Variants in IFT52 observed in about 807,000 individuals in gnomAD.
IFT52 encodes intraflagellar transport protein 52 homolog.
Under a neutral mutation model 54.4 loss-of-function variants are expected in IFT52, and 44 were observed. That is an observed-to-expected ratio of 0.81 (90% CI 0.63 to 1.04). The LOEUF (loss-of-function observed/expected upper bound fraction) is 1.04. IFT52 is among the 50% of genes least tolerant of loss of function. The probability of loss-of-function intolerance (pLI) is 0.00; values close to 1 mark genes in which losing one functional copy is unlikely to be tolerated. For missense variants in IFT52, 452 were observed against 523.6 expected (o/e 0.86, Z 1.33); for synonymous variants, 181 against 185.3 (o/e 0.98, Z 0.19).
Position 43,614,713 on chromosome 20 carries a change from A to C in IFT52, c.612+737A>C, listed in dbSNP as rs6030983. Among the ~76,000 whole-genome samples, 213 of 152,202 alleles carry C rather than the reference A, an allele frequency of 1.4e-3. 1 individual carries two copies. The highest frequency in any genetic ancestry group is 4.9e-3 in the African/African-American group (202 of 41,564). On this transcript the variant is annotated intron_variant, in intron 7 of 13. Coordinates refer to ENST00000373030, the MANE Select transcript of IFT52 (RefSeq NM_016004.5). Reference sequence around the variant, plus strand: ...AGTTTATACTAGGAAAATATATCAGAAAACTATTTTTCCAGTTATTATCCT... The same window carrying C: ...AGTTTATACTAGGAAAATATATCAGCAAACTATTTTTCCAGTTATTATCCT...
intron 6 of IFT52, among the ~76,000 whole-genome samples, chr20:43,610,623 C>T (rs1184257452): frequency 6.6e-6 from 1 of 151,714 alleles, no homozygotes; most frequent in African/African-American, 2.4e-5. Context: ...CCTGTAGTCC[C>T]AACTACTCGG....
intron 5 of IFT52, 122 bp from the exon 6 acceptor site, chr20:43,604,880 G>T: frequency 1.1e-6 from 1 of 947,456 alleles, no homozygotes. Context: ...GTTCACTGCA[G>T]CCTTGACCTC....
At position 43,621,765 on chromosome 20, in the gene IFT52, C is replaced by T. The variant is rs148054378; in HGVS notation, c.768+840C>T. The stretch of plus-strand genomic sequence containing the variant: ...GGCGTGAGCCACTGGGCCCAGCCTT[C>T]TAGTTTTCTTATCTGTGAACAGGGA... On this transcript the variant is annotated intron_variant, in intron 9 of 13. Transcript: ENST00000373030. 3.8e-3 allele frequency among the ~76,000 whole-genome samples: 577 copies of T among 152,286 alleles called. 4 individuals are homozygous for T. The highest frequency in any genetic ancestry group is 0.011 in the South Asian group (54 of 4,826).
intron 6 of IFT52, among the ~76,000 whole-genome samples, chr20:43,612,257 A>G (rs946789702): frequency 1.3e-5 from 2 of 152,014 alleles, no homozygotes; most frequent in African/African-American, 4.8e-5. Flanking sequence ...CATGGGCTGT[A>G]ATCCACCTTG....
At chr20:43,597,816 C>T (rs1025717977) in intron 3 of IFT52, among the ~76,000 whole-genome samples, 4 of 150,220 alleles carry the variant, frequency 2.7e-5, no homozygotes, top group African/African-American at 9.8e-5. Context: ...ATCACTTGAA[C>T]CTGGGAGGCG....
intron 6 of IFT52, among the ~76,000 whole-genome samples, chr20:43,613,213 G>A (rs1006981045): frequency 6.6e-6 from 1 of 152,184 alleles, no homozygotes; most frequent in African/African-American, 2.4e-5. Flanking sequence ...CTTAGAGATA[G>A]CACTAGCCAA....
chr20:43,607,564 A>G (rs1482240171), intron 6 of IFT52, among the ~76,000 whole-genome samples: 2 of 141,192 alleles, frequency 1.4e-5, no homozygotes, highest in South Asian at 4.6e-4. Flanking sequence ...CCCACATCTC[A>G]GACGATGGGC....
chr20:43,626,351 C>T (rs1984721776), intron 10 of IFT52, among the ~76,000 whole-genome samples: 1 of 151,692 alleles, frequency 6.6e-6, no homozygotes, highest in African/African-American at 2.4e-5. Flanking sequence ...GCGACCTCTG[C>T]CTCCCAGGCT....
At chr20:43,619,341 G>A (rs1984095688) in intron 8 of IFT52, among the ~76,000 whole-genome samples, 2 of 152,178 alleles carry the variant, frequency 1.3e-5, no homozygotes, top group African/African-American at 4.8e-5. Flanking sequence ...TAAGGCCAAG[G>A]AGCTTGAACT....
At chr20:43,597,653 G>A (rs906004371) in intron 3 of IFT52, among the ~76,000 whole-genome samples, 1 of 152,124 alleles carries the variant, frequency 6.6e-6, no homozygotes, top group Non-Finnish European at 1.5e-5. Flanking sequence ...CAGCACTTTG[G>A]GAGGCTGAGA....
At chr20:43,596,588 G>T in intron 3 of IFT52, 66 bp downstream of exon 3, 2 of 1,055,364 alleles carry the variant, frequency 1.9e-6, no homozygotes, top group East Asian at 2.4e-5. Flanking sequence ...TGAAATACCG[G>T]ATTTGAATCC....
chr20:43,621,615 A>C (rs1394898562), intron 9 of IFT52, among the ~76,000 whole-genome samples: 5 of 152,170 alleles, frequency 3.3e-5, no homozygotes, highest in Non-Finnish European at 7.4e-5. Context: ...GATGTGAACC[A>C]CCATGCCTGG....
chr20:43,619,218 G>A (rs1984086622), intron 8 of IFT52, among the ~76,000 whole-genome samples, 192 bp downstream of exon 8: 1 of 151,830 alleles, frequency 6.6e-6, no homozygotes, highest in Non-Finnish European at 1.5e-5. Context: ...AATACACTGA[G>A]AGAGAGAGAG....
At chr20:43,608,039 T>C (rs545899309) in intron 6 of IFT52, among the ~76,000 whole-genome samples, 1,516 of 96,142 alleles carry the variant, frequency 0.016, 15 homozygotes, top group Non-Finnish European at 0.025. Context: ...TCACAGGCAC[T>C]CGGCAGGCTG....
chr20:43,609,496 A>G (rs1378814980), intron 6 of IFT52, among the ~76,000 whole-genome samples: 1 of 151,886 alleles, frequency 6.6e-6, no homozygotes. Context: ...CATATGCCGG[A>G]CGCGGTGGCT....
Position 43,603,740 on chromosome 20 carries a change from T to G in IFT52, c.208-20T>G. On this transcript the variant is annotated intron_variant, in intron 3 of 13. Transcript: ENST00000373030. ...AAGTCTTTCAAGTATATTCATAGAT[T>G]GCTTTTTTCCTTTGTGTAGTTTGAA... 4 of 1,607,906 alleles carry G rather than the reference T, an allele frequency of 2.5e-6. No individual in the cohort carries two copies. Among genetic ancestry groups the G allele is most frequent in the Non-Finnish European group, 2.5e-6 (3 of 1,177,556 alleles).
At chr20:43,619,702 G>T (rs1488030302) in intron 8 of IFT52, among the ~76,000 whole-genome samples, 1 of 152,086 alleles carries the variant, frequency 6.6e-6, no homozygotes, top group Non-Finnish European at 1.5e-5. Flanking sequence ...TCAAAAAAAT[G>T]CCAAGGGAAC....
At position 43,618,976 on chromosome 20, in the gene IFT52, C is replaced by T. The variant is rs1394205633; in HGVS notation, c.649C>T (p.His217Tyr). ...GGKLAVLGSC[H>Y]MFSDQYLDKE... ...GAAGCTGGCAGTGCTTGGTTCATGT[C>T]ACATGTTCAGTGATCAATATTTGGA... Residue 217 changes from histidine (H) to tyrosine (Y), a missense_variant, in exon 8 of 14, where the codon CAC becomes TAC. By Grantham distance (83) the His-to-Tyr change is moderately conservative. Transcript: ENST00000373030. 1 of 1,613,958 alleles carries T rather than the reference C, an allele frequency of 6.2e-7. No individual in the cohort carries two copies. The highest frequency in any genetic ancestry group is 8.5e-7 in the Non-Finnish European group (1 of 1,179,904).
Position 43,637,189 on chromosome 20 carries a change from G to A in IFT52, c.1056G>A (p.Glu352=). 3 of 1,610,900 alleles carry A rather than the reference G, an allele frequency of 1.9e-6. No individual in the cohort carries two copies. Among genetic ancestry groups the A allele is most frequent in the Non-Finnish European group, 2.5e-6 (3 of 1,178,862 alleles). The change falls in exon 12 of 14, where the codon GAG becomes GAA. Residue 352 remains glutamate (E), a synonymous_variant. Coordinates refer to ENST00000373030, the MANE Select transcript of IFT52 (RefSeq NM_016004.5). ...GGGAGTTACCACCTCCTCCTCTGGA[G>A]CTATTTGATTTAGATGAAACGTTCT... ...SFRELPPPPL[E]LFDLDETFSS...
Sources: gnomAD v4.1 joint callset for allele counts (sites outside exome capture counted in the v4.1 genomes callset) on GRCh38, gnomAD v4.1.1 for gene constraint, MANE v1.5 for transcripts, NCBI Gene and HGNC (gene_info 2026-07-23, HGNC 2026-07-21) for gene names.